The following SLC22A23 variants were observed in gnomAD, a reference collection of about 807,000 sequenced individuals.
SLC22A23 encodes the protein ion transporter protein.
In SLC22A23, 26 loss-of-function variants were observed where a neutral mutation model predicts 61.0. That is an observed-to-expected ratio of 0.43 (90% CI 0.31 to 0.59). SLC22A23 has a LOEUF of 0.59. Ranked by LOEUF, SLC22A23 falls within the 20% of genes least tolerant of loss-of-function variation. SLC22A23 has a pLI of 0.11. For missense variants in SLC22A23, 796 were observed against 934.7 expected (o/e 0.85, Z 1.94); for synonymous variants, 430 against 413.9 (o/e 1.04, Z -0.47).
intron 3 of SLC22A23, among the ~76,000 whole-genome samples, chr6:3,368,513 T>C (rs1346922924): frequency 6.6e-6 from 1 of 152,240 alleles, no homozygotes. Flanking sequence ...GATTCAGAAG[T>C]ACTGCCTTAG....
intron 1 of SLC22A23, among the ~76,000 whole-genome samples, chr6:3,425,874 G>A (rs943252476): frequency 6.6e-6 from 1 of 152,146 alleles, no homozygotes; most frequent in South Asian, 2.1e-4. Flanking sequence ...CTTTCCCCCA[G>A]TAAACTCAAA....
intron 6 of SLC22A23, among the ~76,000 whole-genome samples, chr6:3,287,507 C>T (rs372142999): frequency 9.9e-5 from 15 of 152,118 alleles, no homozygotes; most frequent in African/African-American, 3.1e-4. Context: ...GCAGCTCGCA[C>T]GAGGCTCTCG....
chr6:3,277,516 C>T (rs974511950), intron 9 of SLC22A23, among the ~76,000 whole-genome samples: 5 of 152,242 alleles, frequency 3.3e-5, no homozygotes, highest in African/African-American at 1.2e-4. Flanking sequence ...CCGTCCCAGC[C>T]ACCCTTCTGA....
Position 3,427,730 on chromosome 6 carries a change from A to G in SLC22A23, c.655-11875T>C, listed in dbSNP as rs1462332270. ...TAAATATACTATTTTTCTGACCAAAAGAAAAAAAAAAGTAGGATGGTTCTC... is the reference window on the plus strand; with the variant it reads ...TAAATATACTATTTTTCTGACCAAAGGAAAAAAAAAAGTAGGATGGTTCTC... On this transcript the variant is annotated intron_variant, in intron 1 of 9. Transcript: ENST00000406686. The surrounding 1 kb of genome is among the most constrained non-coding windows in gnomAD (Gnocchi z 4.3). Among the ~76,000 whole-genome samples, 1 of 152,168 alleles carries G rather than the reference A, an allele frequency of 6.6e-6. No homozygotes were observed. Among genetic ancestry groups the G allele is most frequent in the African/African-American group, 2.4e-5 (1 of 41,426 alleles).
At chr6:3,378,406 A>T (rs1412950601) in intron 3 of SLC22A23, among the ~76,000 whole-genome samples, 2 of 152,172 alleles carry the variant, frequency 1.3e-5, no homozygotes. Context: ...GGGTATTTTT[A>T]AAACTTTTTA....
chr6:3,411,296 T>G (rs1172546401), intron 2 of SLC22A23, among the ~76,000 whole-genome samples: 1 of 152,172 alleles, frequency 6.6e-6, no homozygotes, highest in Non-Finnish European at 1.5e-5. Context: ...GGATGCTATT[T>G]GCCAGGAGAA....
At chr6:3,323,330 C>T (rs1262710946) in intron 4 of SLC22A23, 2 of 456,520 alleles carry the variant, frequency 4.4e-6, no homozygotes, top group Non-Finnish European at 8.8e-6. Context: ...TATGTAAACA[C>T]ACGAGCATGG....
rs1382885148 is a variant in SLC22A23 at position 3,410,624 on chromosome 6, T to C, written c.759-282A>G. Among the ~76,000 whole-genome samples, 1 of 152,210 alleles carries C rather than the reference T, an allele frequency of 6.6e-6. No individual in the cohort carries two copies. The highest frequency in any genetic ancestry group is 2.4e-5 in the African/African-American group (1 of 41,460). ...CAATTCCTGTTGCTGAGTCTATTTCTGAGTGTATAGTGATATAATTCAAGG... is the reference window on the plus strand; with the variant it reads ...CAATTCCTGTTGCTGAGTCTATTTCCGAGTGTATAGTGATATAATTCAAGG... On this transcript the variant is annotated intron_variant, in intron 2 of 9. Coordinates refer to ENST00000406686, the MANE Select transcript of SLC22A23 (RefSeq NM_015482.2). The surrounding 1 kb of genome is among the most constrained non-coding windows in gnomAD (Gnocchi z 5.0).
chr6:3,419,392 T>C (rs1376304106), intron 1 of SLC22A23, among the ~76,000 whole-genome samples: 1 of 152,162 alleles, frequency 6.6e-6, no homozygotes, highest in Non-Finnish European at 1.5e-5. Context: ...AGGCCAAAAA[T>C]CATACTTCCA....
At position 3,328,586 on chromosome 6, in the gene SLC22A23, G is replaced by A. The variant is rs1009993270; in HGVS notation, c.914-4584C>T. 1.3e-5 allele frequency among the ~76,000 whole-genome samples: 2 copies of A among 151,950 alleles called. No homozygotes were observed. Among genetic ancestry groups the A allele is most frequent in the East Asian group, 1.9e-4 (1 of 5,176 alleles). On this transcript the variant is annotated intron_variant, in intron 3 of 9. Transcript: ENST00000406686. The surrounding 1 kb of genome is among the most constrained non-coding windows in gnomAD (Gnocchi z 5.0). ...CTTCTAGATAATTTGGGTGGGTCTC[G>A]CCTCATCTGTTGAAAGACCTGAACA...
intron 3 of SLC22A23, among the ~76,000 whole-genome samples, chr6:3,379,807 A>C (rs777675132): frequency 1.3e-5 from 2 of 152,206 alleles, no homozygotes; most frequent in Non-Finnish European, 2.9e-5. Context: ...ATGACTACTC[A>C]ACGAGCTGCC....
rs537014265 is a variant in SLC22A23, at chr6:3,330,588, T to A, written c.914-6586A>T. Among the ~76,000 whole-genome samples the A allele has an allele frequency of 6.6e-4, 100 of 152,314 alleles. No individual in the cohort carries two copies. The highest frequency in any genetic ancestry group is 2.4e-3 in the African/African-American group (99 of 41,556). Reference sequence around the variant, plus strand: ...AGGCAAGGACGCATGGCCCCCAGAATCCTGGAAAATAGACTTTGGGACATG... The same window carrying A: ...AGGCAAGGACGCATGGCCCCCAGAAACCTGGAAAATAGACTTTGGGACATG... On this transcript the variant is annotated intron_variant, in intron 3 of 9. Transcript: ENST00000406686. The surrounding 1 kb of genome is among the most constrained non-coding windows in gnomAD (Gnocchi z 4.7).
At chr6:3,314,252 T>A (rs116833161) in intron 4 of SLC22A23, among the ~76,000 whole-genome samples, 1 of 152,186 alleles carries the variant, frequency 6.6e-6, no homozygotes, top group African/African-American at 2.4e-5. Flanking sequence ...GCCAAGTAAA[T>A]GCTGCTCTCA....
intron 8 of SLC22A23, 160 bp from the exon 9 acceptor site, chr6:3,284,135 T>A: frequency 1.5e-6 from 1 of 652,850 alleles, no homozygotes; most frequent in Non-Finnish European, 2.5e-6. Flanking sequence ...CCTCAAGGAC[T>A]AGAAGCCCAG....
chr6:3,292,573 C>G (rs1016058768), intron 5 of SLC22A23, among the ~76,000 whole-genome samples: 1 of 152,214 alleles, frequency 6.6e-6, no homozygotes, highest in Non-Finnish European at 1.5e-5. Flanking sequence ...CCACGTCGAG[C>G]CGACTGAATT....
intron 2 of SLC22A23, among the ~76,000 whole-genome samples, chr6:3,413,339 C>T (rs954760840): frequency 2.0e-5 from 3 of 152,178 alleles, no homozygotes; most frequent in Admixed American, 6.5e-5. Context: ...AAGTGCCTGA[C>T]CTCACTCTCT....
In SLC22A23 at chr6:3,329,174, C is replaced by T. The variant is rs548652461; in HGVS notation, c.914-5172G>A. ...CATTCTCCCCCCACCTCCCTCATCC[C>T]CCACAAACACACACACCGATCTAAC... On this transcript the variant is annotated intron_variant, in intron 3 of 9. Coordinates refer to ENST00000406686, the MANE Select transcript of SLC22A23 (RefSeq NM_015482.2). The surrounding 1 kb of genome is among the most constrained non-coding windows in gnomAD (Gnocchi z 4.8). Among the ~76,000 whole-genome samples the T allele has an allele frequency of 3.9e-5, 6 of 152,252 alleles. No homozygotes were observed. The highest frequency in any genetic ancestry group is 1.2e-4 in the African/African-American group (5 of 41,544).
In SLC22A23 at chr6:3,410,474, A is replaced by G. The variant is rs1399639703; in HGVS notation, c.759-132T>C. 2 of 892,934 alleles carry G rather than the reference A, an allele frequency of 2.2e-6. No individual in the cohort carries two copies. Among genetic ancestry groups the G allele is most frequent in the African/African-American group, 3.5e-5 (2 of 57,814 alleles). The allele number at this position is 892,934 out of a possible 1,614,324, so 55.3% of individuals were successfully genotyped here. A position where few individuals can be genotyped will look rare whatever the true frequency, so the allele number is the denominator to read the frequency against. ...CTGGGTAAAAAGTCCTGTGCCATCT[A>G]TACCCACTTCACTAGATCCTAGGCT... On this transcript the variant is annotated intron_variant, in intron 2 of 9. Transcript: ENST00000406686. The surrounding 1 kb of genome is among the most constrained non-coding windows in gnomAD (Gnocchi z 5.0).
intron 9 of SLC22A23, among the ~76,000 whole-genome samples, chr6:3,278,017 T>C (rs1343324928): frequency 1.3e-5 from 2 of 152,186 alleles, no homozygotes; most frequent in Non-Finnish European, 2.9e-5. Flanking sequence ...AGCCTACCAG[T>C]GCCTGACTTG....
Sources: allele counts gnomAD v4.1 joint callset (sites outside exome capture counted in the v4.1 genomes callset), GRCh38; gene constraint gnomAD v4.1.1; non-coding constraint Gnocchi (gnomAD v3.1); transcripts MANE v1.5; gene names NCBI Gene and HGNC (gene_info 2026-07-23, HGNC 2026-07-21).